CPT1A: variants seen among roughly 807,000 people sequenced by gnomAD.
CPT1A encodes carnitine O-palmitoyltransferase 1, liver isoform.
In CPT1A, 64 loss-of-function variants were observed where a neutral mutation model predicts 100.8. The observed-to-expected ratio is 0.63, with a 90% confidence interval of 0.52 to 0.78. CPT1A has a LOEUF of 0.78. CPT1A is among the 30% of genes least tolerant of loss of function. The pLI, the probability that CPT1A is intolerant of heterozygous loss-of-function variation, is 0.00. For synonymous variants in CPT1A, 363 were observed against 396.0 expected, an observed-to-expected ratio of 0.92 and a Z score of 0.99; for missense variants, 802 against 1,034.1, an observed-to-expected ratio of 0.78 and a Z score of 3.08.
upstream of CPT1A, among the ~76,000 whole-genome samples, chr11:68,843,870 T>A (rs564202228): frequency 2.3e-4 from 35 of 152,324 alleles, no homozygotes; most frequent in East Asian, 4.8e-3. The surrounding 1 kb of genome is among the most constrained non-coding windows in gnomAD (Gnocchi z 4.0). Flanking sequence ...CGGTTTGCAC[T>A]ACGGAAGCTG....
intron 2 of CPT1A, among the ~76,000 whole-genome samples, chr11:68,813,029 C>T (rs974937426): frequency 1.3e-5 from 2 of 149,182 alleles, no homozygotes; most frequent in Admixed American, 6.7e-5. Flanking sequence ...CACCCCATGT[C>T]GAGAATTTGC....
chr11:68,793,493 C>T (rs1855674845), intron 8 of CPT1A, 91 bp from the exon 9 acceptor site: 1 of 987,426 alleles, frequency 1.0e-6, no homozygotes, highest in African/African-American at 1.6e-5. Context: ...CGCCTGTAAT[C>T]CCAACACTTT....
chr11:68,806,292 G>A (rs1856043589), intron 4 of CPT1A, among the ~76,000 whole-genome samples: 1 of 152,040 alleles, frequency 6.6e-6, no homozygotes, highest in Non-Finnish European at 1.5e-5. Flanking sequence ...GCCTCCCAAA[G>A]TGCTGGGATT....
intron 1 of CPT1A, among the ~76,000 whole-genome samples, chr11:68,834,764 C>G (rs1856967366): frequency 1.3e-5 from 2 of 151,890 alleles, no homozygotes. Flanking sequence ...AAAATTAAGC[C>G]AATTCTGGGT....
rs1346687901 is a variant in CPT1A at position 68,755,977 on chromosome 11, G to A, written c.*1667C>T. ...AAAAATACAAAAATTAGCAGGGCATGGTGTTGGGCGTGTAATCCCAGCTAC... is the reference window on the plus strand; with the variant it reads ...AAAAATACAAAAATTAGCAGGGCATAGTGTTGGGCGTGTAATCCCAGCTAC... On this transcript the variant is annotated 3_prime_UTR_variant, in exon 19 of 19. Coordinates refer to ENST00000265641, the MANE Select transcript of CPT1A (RefSeq NM_001876.4). The A allele has an allele frequency of 6.6e-6, 1 of 151,432 alleles. No homozygotes were observed. The highest frequency in any genetic ancestry group is 2.0e-4 in the East Asian group (1 of 5,054). The allele number at this position is 151,432 out of a possible 1,614,324, so 9.4% of individuals were successfully genotyped here. A position where few individuals can be genotyped will look rare whatever the true frequency, so the allele number is the denominator to read the frequency against.
intron 1 of CPT1A, among the ~76,000 whole-genome samples, chr11:68,838,308 T>C (rs1476174555): frequency 6.6e-6 from 1 of 151,970 alleles, no homozygotes; most frequent in Admixed American, 6.6e-5. Context: ...GCCGTCAAGA[T>C]ACCCAAATAG....
intron 8 of CPT1A, among the ~76,000 whole-genome samples, chr11:68,794,064 C>T (rs1855690469): frequency 6.6e-6 from 1 of 152,126 alleles, no homozygotes; most frequent in African/African-American, 2.4e-5. Flanking sequence ...AGGGCTTCTC[C>T]AAAGGGCAGA....
chr11:68,815,839 C>T (rs1856372081), intron 1 of CPT1A, among the ~76,000 whole-genome samples: 1 of 148,724 alleles, frequency 6.7e-6, no homozygotes, highest in Admixed American at 6.7e-5. Context: ...ACCACGCCTC[C>T]AAGCCAGCAT....
At chr11:68,797,064 A>G in intron 6 of CPT1A, 131 bp from the exon 7 acceptor site, 8 of 784,852 alleles carry the variant, frequency 1.0e-5, no homozygotes, top group South Asian at 1.4e-5. Context: ...AACAGGGGCC[A>G]TTCCAGAACA....
intron 1 of CPT1A, among the ~76,000 whole-genome samples, chr11:68,827,786 C>T (rs1348294403): frequency 2.0e-5 from 3 of 152,114 alleles, no homozygotes; most frequent in Admixed American, 1.3e-4. Flanking sequence ...CCACCATACA[C>T]GTGCGAGGCA....
chr11:68,764,315 C>CA (rs1397549291), intron 14 of CPT1A, among the ~76,000 whole-genome samples: 17 of 152,340 alleles, frequency 1.1e-4, no homozygotes, highest in Admixed American at 6.5e-4. Context: ...CCTGACCAGA[C>CA]ACATCCCTGC....
intron 14 of CPT1A, among the ~76,000 whole-genome samples, chr11:68,767,503 C>G (rs888544251): frequency 5.3e-5 from 8 of 152,040 alleles, no homozygotes; most frequent in African/African-American, 1.9e-4. Flanking sequence ...GTGGGAGGAT[C>G]GCCAGCACCC....
At chr11:68,771,252 C>T (rs1311824852) in intron 14 of CPT1A, among the ~76,000 whole-genome samples, 1 of 152,216 alleles carries the variant, frequency 6.6e-6, no homozygotes, top group Non-Finnish European at 1.5e-5. Flanking sequence ...GCAGAATAGT[C>T]ATTTCAGCAT....
intron 10 of CPT1A, among the ~76,000 whole-genome samples, chr11:68,783,527 C>T (rs1435585084): frequency 6.6e-6 from 1 of 152,212 alleles, no homozygotes; most frequent in East Asian, 1.9e-4. Context: ...AGCACAGAAC[C>T]TCTCCTGATC....
In CPT1A at chr11:68,841,675, C is replaced by T; in HGVS notation, c.-14+100G>A. The T allele has an allele frequency of 3.2e-6, 2 of 623,394 alleles. No individual in the cohort carries two copies. The highest frequency in any genetic ancestry group is 4.0e-6 in the Non-Finnish European group (2 of 498,592). The allele number at this position is 623,394 out of a possible 1,614,324, so 38.6% of individuals were successfully genotyped here. A position where few individuals can be genotyped will look rare whatever the true frequency, so the allele number is the denominator to read the frequency against. On this transcript the variant is annotated intron_variant, in intron 1 of 18. Transcript: ENST00000265641. This position sits in a 1 kb window ranked among gnomAD's most constrained non-coding sequence, Gnocchi z 6.3. Reference sequence around the variant, plus strand: ...CCCGGTTCCGGCGGCGTCCCCCACCCGGTCCGGTTCCCGGCAGCCCCGCGC... The same window carrying T: ...CCCGGTTCCGGCGGCGTCCCCCACCTGGTCCGGTTCCCGGCAGCCCCGCGC...
chr11:68,824,894 G>T (rs1026525782), intron 1 of CPT1A, among the ~76,000 whole-genome samples: 14 of 151,134 alleles, frequency 9.3e-5, no homozygotes, highest in African/African-American at 3.4e-4. Flanking sequence ...TGCCTCCCGG[G>T]TTCAAGCAAT....
At chr11:68,811,509 G>A (rs1189350549) in intron 3 of CPT1A, among the ~76,000 whole-genome samples, 2 of 151,972 alleles carry the variant, frequency 1.3e-5, no homozygotes, top group East Asian at 1.9e-4. Context: ...AAGCAGCGGT[G>A]TTCACTCGCA....
In CPT1A at chr11:68,805,972, G is replaced by A. The variant is rs966547047; in HGVS notation, c.453+1495C>T. 2.0e-5 allele frequency among the ~76,000 whole-genome samples: 3 copies of A among 152,046 alleles called. No individual in the cohort carries two copies. In the East Asian group the frequency reaches 5.8e-4, roughly 29 times the overall value. ...ACGGAGGCCTCGAAAGTCCAGAGAC[G>A]ATGCCCATCTTGGAGGGTTGATTTT... is the stretch of plus-strand genomic sequence containing the variant. On this transcript the variant is annotated intron_variant, in intron 4 of 18. Transcript: ENST00000265641.
At chr11:68,835,261 C>T (rs78094385) in intron 1 of CPT1A, among the ~76,000 whole-genome samples, 1 of 152,174 alleles carries the variant, frequency 6.6e-6, no homozygotes, top group Non-Finnish European at 1.5e-5. Context: ...CATCGGCACT[C>T]GGGCAGGAGC....
Sources: allele counts gnomAD v4.1 joint callset (sites outside exome capture counted in the v4.1 genomes callset), GRCh38; gene constraint gnomAD v4.1.1; non-coding constraint Gnocchi (gnomAD v3.1); transcripts MANE v1.5; gene names NCBI Gene and HGNC (gene_info 2026-07-23, HGNC 2026-07-21).